The following ACTN2 variants were observed in gnomAD, a reference collection of about 807,000 sequenced individuals.
The protein encoded by ACTN2 is alpha-actinin-2.
A neutral mutation model predicts 113.8 loss-of-function variants in ACTN2; 39 were observed. The observed-to-expected ratio is 0.34, with a 90% CI of 0.27 to 0.45. The LOEUF (loss-of-function observed/expected upper bound fraction) is 0.45, where lower values mean the gene tolerates loss of function less well. ACTN2 is among the 20% of genes least tolerant of loss of function. The pLI, the probability that ACTN2 is intolerant of heterozygous loss-of-function variation, is 1.00. For synonymous variants in ACTN2, 429 were observed against 444.1 expected (o/e 0.97, Z 0.43); for missense variants, 992 against 1,177.9 (o/e 0.84, Z 2.31).
intron 14 of ACTN2, 26 bp from the exon 15 acceptor site, chr1:236,751,444 T>G: frequency 6.2e-7 from 1 of 1,613,466 alleles, no homozygotes; most frequent in Non-Finnish European, 8.5e-7. Flanking sequence ...CCACATTGTT[T>G]TTCTCCACTT....
intron 12 of ACTN2, among the ~76,000 whole-genome samples, chr1:236,745,457 A>G (rs1299753632): frequency 6.6e-6 from 1 of 152,160 alleles, no homozygotes. Context: ...ACAAAACAAA[A>G]TAAAACAAAA....
At chr1:236,696,438 T>A (rs1657503483) in intron 1 of ACTN2, among the ~76,000 whole-genome samples, 1 of 152,174 alleles carries the variant, frequency 6.6e-6, no homozygotes, top group Admixed American at 6.5e-5. Flanking sequence ...AAATCCTATC[T>A]TCTAAAGTCA....
intron 7 of ACTN2, among the ~76,000 whole-genome samples, chr1:236,735,340 G>T (rs1658836174): frequency 6.6e-6 from 1 of 152,144 alleles, no homozygotes; most frequent in Non-Finnish European, 1.5e-5. Context: ...AACAGACCAG[G>T]TTTCCATGTG....
chr1:236,723,233 G>C (rs1658453365), intron 4 of ACTN2, among the ~76,000 whole-genome samples: 1 of 152,144 alleles, frequency 6.6e-6, no homozygotes. Flanking sequence ...GCAAAGACAG[G>C]CAGAACAACT....
intron 9 of ACTN2, among the ~76,000 whole-genome samples, chr1:236,739,073 G>C (rs766298812): frequency 6.6e-6 from 1 of 151,966 alleles, no homozygotes; most frequent in Non-Finnish European, 1.5e-5. Context: ...ACGACTTTAC[G>C]TGCTCACTTT....
At chr1:236,730,271 C>CTTTTTTT (rs11410238) in intron 6 of ACTN2, among the ~76,000 whole-genome samples, 1 of 146,826 alleles carries the variant, frequency 6.8e-6, no homozygotes. Context: ...TAGTTAAACA[C>CTTTTTTT]TTTTTTTTTT....
At chr1:236,723,614 C>T (rs543487791) in intron 4 of ACTN2, among the ~76,000 whole-genome samples, 11 of 151,854 alleles carry the variant, frequency 7.2e-5, no homozygotes, top group East Asian at 1.9e-4. Context: ...TACAAGTGCC[C>T]GCCACCGTGC....
At chr1:236,747,101 G>A (rs1043899265) in intron 12 of ACTN2, among the ~76,000 whole-genome samples, 2 of 152,186 alleles carry the variant, frequency 1.3e-5, no homozygotes, top group Non-Finnish European at 2.9e-5. Flanking sequence ...TTCACTCATA[G>A]GGACATTGCC....
In ACTN2 at chr1:236,753,947, G is replaced by A; in HGVS notation, c.1840G>A (p.Val614Met). 1 of 1,612,284 alleles carries A rather than the reference G, an allele frequency of 6.2e-7. No homozygotes were observed. Among genetic ancestry groups the A allele is most frequent in the Non-Finnish European group, 8.5e-7 (1 of 1,179,030 alleles). The change falls in exon 16 of 21, where the codon GTG becomes ATG. Residue 614 changes from valine to methionine, a missense_variant and splice_region_variant. Val to Met is a conservative substitution (Grantham distance 21, BLOSUM62 1). Coordinates refer to ENST00000366578, the MANE Select transcript of ACTN2 (RefSeq NM_001103.4). The part of the protein sequence containing the change: ...MDELRTKWDK[V>M]KQLVPIRDQS... ...CCTTGTTGTCCTTGGGCCCTGACAG[G>A]TGAAGCAACTCGTGCCCATCCGCGA...
chr1:236,716,469 G>T (rs1364223997), intron 1 of ACTN2, among the ~76,000 whole-genome samples: 2 of 152,000 alleles, frequency 1.3e-5, no homozygotes, highest in African/African-American at 4.8e-5. Flanking sequence ...AAAGAAGCTG[G>T]AAAAATAAAC....
chr1:236,725,071 TTA>T (rs1658510926), intron 4 of ACTN2, among the ~76,000 whole-genome samples: 1 of 152,166 alleles, frequency 6.6e-6, no homozygotes, highest in African/African-American at 2.4e-5. Context: ...TGTAGACTAT[TTA>T]TGTTTGCATA....
intron 1 of ACTN2, among the ~76,000 whole-genome samples, chr1:236,695,569 C>CCCCCG (rs1553296766): frequency 1.8e-5 from 2 of 111,736 alleles, no homozygotes; most frequent in Non-Finnish European, 3.5e-5. Context: ...GAGTTCCCCC[C>CCCCCG]CCCTGCCCAG....
intron 14 of ACTN2, among the ~76,000 whole-genome samples, chr1:236,749,488 G>A (rs1240156634): frequency 2.0e-5 from 3 of 152,084 alleles, no homozygotes; most frequent in Non-Finnish European, 4.4e-5. Flanking sequence ...TGTCTCAGAA[G>A]CTCTGTTCTT....
intron 1 of ACTN2, among the ~76,000 whole-genome samples, chr1:236,715,587 T>G (rs1658175126): frequency 6.6e-6 from 1 of 152,122 alleles, no homozygotes; most frequent in Non-Finnish European, 1.5e-5. Flanking sequence ...TTTTTAAATT[T>G]TATTTTAATT....
chr1:236,755,004 ACTCGC>A lies in ACTN2; in HGVS notation c.1975-13_1975-9del. 1 of 1,613,728 alleles carries A rather than the reference ACTCGC, an allele frequency of 6.2e-7. No homozygotes were observed. Among genetic ancestry groups the A allele is most frequent in the African/African-American group, 1.3e-5 (1 of 74,896 alleles). On this transcript the variant is annotated splice_polypyrimidine_tract_variant and intron_variant, in intron 16 of 20. Coordinates refer to ENST00000366578, the MANE Select transcript of ACTN2 (RefSeq NM_001103.4). ...ACTCTGCTTCTCTCTCTGCTTGCTC[ACTCGC>A]CCCCCTCAGGAGATTGCCCGGAGCT...
rs199604590 is a variant in ACTN2, at chr1:236,747,704, C to G, written c.1444C>G (p.Arg482Gly). The change falls in exon 13 of 21, where the codon CGG (arginine) becomes GGG (glycine). Residue 482 changes from arginine to glycine, a missense_variant. Transcript: ENST00000366578. ...TCACGACGCTGTGAATGTCAATGAT[C>G]GGTGCCAGAAAATTTGTGACCAGTG... Reference protein sequence around the residue: ...DYHDAVNVNDRCQKICDQWDR... With the variant: ...DYHDAVNVNDGCQKICDQWDR... 5 of 1,614,038 alleles carry G rather than the reference C, an allele frequency of 3.1e-6. No homozygotes were observed. The highest frequency in any genetic ancestry group is 2.7e-5 in the African/African-American group (2 of 74,922).
chr1:236,749,037 T>C, intron 13 of ACTN2, 87 bp from the exon 14 acceptor site: 1 of 1,388,430 alleles, frequency 7.2e-7, no homozygotes, highest in East Asian at 2.3e-5. Context: ...TATCAGAGAA[T>C]AGTCTGTTCT....
rs569621764 is a variant in ACTN2, at chr1:236,743,109, T to C, written c.1255+66T>C. 1.0e-3 allele frequency: 1,629 copies of C among 1,575,506 alleles called. 25 individuals are homozygous for C. In the South Asian group the frequency reaches 0.016, roughly 16 times the overall value. Reference sequence around the variant, plus strand: ...AGTTGAGCCATGCCCAGAGCCATGATGCATCCTTACTAACTCTGTGCCTAA... The same window carrying C: ...AGTTGAGCCATGCCCAGAGCCATGACGCATCCTTACTAACTCTGTGCCTAA... On this transcript the variant is annotated intron_variant, in intron 11 of 20. Coordinates refer to ENST00000366578, the MANE Select transcript of ACTN2 (RefSeq NM_001103.4).
At chr1:236,736,640 G>A (rs1199309966) in intron 8 of ACTN2, 3 of 1,534,566 alleles carry the variant, frequency 2.0e-6, no homozygotes, top group Non-Finnish European at 2.6e-6. Flanking sequence ...CAGGAGATGA[G>A]GAGGTCTTCA....
Sources: gnomAD v4.1 joint callset for allele counts (sites outside exome capture counted in the v4.1 genomes callset) on GRCh38, gnomAD v4.1.1 for gene constraint, MANE v1.5 for transcripts, NCBI Gene and HGNC (gene_info 2026-07-23, HGNC 2026-07-21) for gene names.